The following WDR90 variants were observed in gnomAD, a reference collection of about 807,000 sequenced individuals.
WDR90 encodes the protein WD repeat domain 90, also known as WD repeat-containing protein 90.
A neutral mutation model predicts 195.2 loss-of-function variants in WDR90; 238 were observed. The observed-to-expected ratio is 1.22, with a 90% CI of 1.10 to 1.36. WDR90 has a LOEUF of 1.36. Ranked by LOEUF, WDR90 falls within the 40% of genes most tolerant of loss-of-function variation. The probability of loss-of-function intolerance (pLI) is 0.00; values close to 1 mark genes in which losing one functional copy is unlikely to be tolerated. For synonymous variants in WDR90, 1,265 were observed against 1,052.4 expected (o/e 1.20, Z -3.91); for missense variants, 2,734 against 2,439.5 (o/e 1.12, Z -2.54).
Position 660,606 on chromosome 16 carries a change from T to C in WDR90, c.3289-6T>C. On this transcript the variant is annotated splice_region_variant and splice_polypyrimidine_tract_variant and intron_variant, in intron 27 of 40. Transcript: ENST00000293879. ...CCCAGCAGCATCCGGGTCTCCTTCCTCGCAGGGCACTTGCCCGCCTCCCGC... is the reference window on the plus strand; with the variant it reads ...CCCAGCAGCATCCGGGTCTCCTTCCCCGCAGGGCACTTGCCCGCCTCCCGC... The C allele has an allele frequency of 6.4e-7, 1 of 1,560,310 alleles. No homozygotes were observed. The highest frequency in any genetic ancestry group is 1.2e-5 in the South Asian group (1 of 84,778).
rs776079755 is a variant in WDR90 at position 661,776 on chromosome 16, A to T, written c.3853A>T (p.Ile1285Phe). The T allele has an allele frequency of 6.2e-7, 1 of 1,601,900 alleles. No homozygotes were observed. Among genetic ancestry groups the T allele is most frequent in the Non-Finnish European group, 8.5e-7 (1 of 1,173,558 alleles). ...FWLLQQRGAD[I>F]SLQVRREPVP... ...GCTCCTTCAGCAGCGTGGGGCAGAC[A>T]TCAGCCTTCAGGTGCCACCCGTTCA... The change falls in exon 31 of 41, where the codon ATC (isoleucine) becomes TTC (phenylalanine). Residue 1285 changes from isoleucine (I) to phenylalanine (F), a missense_variant. Ile to Phe is a conservative substitution (Grantham distance 21). Transcript: ENST00000293879.
At position 667,762 on chromosome 16, in the gene WDR90, A is replaced by G. The variant is rs1258680135; in HGVS notation, c.*173A>G. On this transcript the variant is annotated 3_prime_UTR_variant, in exon 41 of 41. Coordinates refer to ENST00000293879, the MANE Select transcript of WDR90 (RefSeq NM_145294.5). ...TTTGGCGCCCTGTGAATACTTTCAT[A>G]CCTGTTGCCCTTTTGCCTAAGAAAT... is the stretch of plus-strand genomic sequence containing the variant. 6.8e-6 allele frequency: 6 copies of G among 882,060 alleles called. No individual in the cohort carries two copies. Among genetic ancestry groups the G allele is most frequent in the Middle Eastern group, 2.1e-4 (1 of 4,734 alleles). 54.6% of individuals were successfully genotyped at this position (882,060 alleles called of 1,614,324 possible).
In WDR90 at chr16:655,906, G is replaced by C. The variant is rs1202077131; in HGVS notation, c.1966+17G>C. The C allele has an allele frequency of 1.0e-5, 16 of 1,580,552 alleles. No homozygotes were observed. Among genetic ancestry groups the C allele is most frequent in the Non-Finnish European group, 1.4e-5 (16 of 1,168,084 alleles). ...TGGAGGCAGGTGATGCTGTGGGCACGCTCTCCCAACTCCGGGAGAGCCTCG... is the reference window on the plus strand; with the variant it reads ...TGGAGGCAGGTGATGCTGTGGGCACCCTCTCCCAACTCCGGGAGAGCCTCG... On this transcript the variant is annotated intron_variant, in intron 17 of 40. Coordinates refer to ENST00000293879, the MANE Select transcript of WDR90 (RefSeq NM_145294.5).
intron 28 of WDR90, 38 bp from the exon 29 acceptor site, chr16:661,013 C>CT: frequency 6.4e-6 from 2 of 314,090 alleles, no homozygotes; most frequent in Non-Finnish European, 8.1e-6. Context: ...CCCCCCCCCC[C>CT]CCGGCCCGGC....
chr16:649,265 CACCGGG>C (rs530464051), upstream of WDR90: 318 of 905,212 alleles, frequency 3.5e-4, 1 homozygote, highest in African/African-American at 5.1e-3. Flanking sequence ...GGGGTACTCC[CACCGGG>C]GAGGTCACGT....
chr16:651,925 C>T lies in WDR90; in HGVS notation c.939C>T (p.Ser313=), dbSNP rs1286459523. 1.9e-6 allele frequency: 3 copies of T among 1,610,052 alleles called. No homozygotes were observed. The highest frequency in any genetic ancestry group is 1.3e-5 in the African/African-American group (1 of 74,884). ...ASNADGPGFH[S]LEPWAQLEAS... is the part of the protein sequence containing the mutation. ...ACGCGGATGGCCCCGGTTTCCATAG[C>T]CTTGAGCCCTGGGCCCAGCTGGAGG... Residue 313 remains serine (S), a synonymous_variant, in exon 9 of 41, where the codon AGC becomes AGT. Transcript: ENST00000293879.
At chr16:664,115 C>T (rs946299698) in intron 34 of WDR90, among the ~76,000 whole-genome samples, 17 of 152,102 alleles carry the variant, frequency 1.1e-4, no homozygotes, top group Non-Finnish European at 2.2e-4. Context: ...GAGGTGTAGT[C>T]GTCACAGCAC....
At position 657,780 on chromosome 16, in the gene WDR90, A is replaced by T. The variant is rs533264780; in HGVS notation, c.2492A>T (p.Asp831Val). 1 of 1,549,532 alleles carries T rather than the reference A, an allele frequency of 6.5e-7. No individual in the cohort carries two copies. Among genetic ancestry groups the T allele is most frequent in the African/African-American group, 1.4e-5 (1 of 73,018 alleles). ...LRVAADMVCP[D>V]APASPSALAV... ...GCCACAGCGGACATGGTATGCCCGG[A>T]TGCCCCCGCGAGCCCCAGCGCCCTG... Residue 831 changes from aspartate to valine, a missense_variant, in exon 21 of 41, where the codon GAT becomes GTT. By Grantham distance (152) the Asp-to-Val change is radical. Coordinates refer to ENST00000293879, the MANE Select transcript of WDR90 (RefSeq NM_145294.5).
chr16:650,201 C>A (rs371591272), intron 3 of WDR90, 34 bp downstream of exon 3: 368 of 1,609,952 alleles, frequency 2.3e-4, no homozygotes, highest in Admixed American at 4.7e-4. Flanking sequence ...TGCGTGGGAG[C>A]CCCGGCACCC....
At chr16:664,393 C>G (rs987915954) in intron 34 of WDR90, among the ~76,000 whole-genome samples, 3 of 152,240 alleles carry the variant, frequency 2.0e-5, no homozygotes, top group Non-Finnish European at 4.4e-5. Flanking sequence ...AGTCATCCCT[C>G]TTGATGGCCA....
At position 656,382 on chromosome 16, in the gene WDR90, G is replaced by A; in HGVS notation, c.2047G>A (p.Gly683Ser). 2 of 1,609,234 alleles carry A rather than the reference G, an allele frequency of 1.2e-6. No individual in the cohort carries two copies. The highest frequency in any genetic ancestry group is 1.1e-5 in the South Asian group (1 of 90,808). Residue 683 changes from glycine (G) to serine (S), a missense_variant, in exon 18 of 41, where the codon GGC becomes AGC. Transcript: ENST00000293879. ...VLSATSSGHL[G>S]FLDTLSRVYH... ...GTCTGCCACCTCCTCGGGCCACCTG[G>A]GCTTCCTGGACACGCTGTCCCGGGT...
chr16:661,595 A>C lies in WDR90; in HGVS notation c.3674-2A>C. On this transcript the variant is annotated splice_acceptor_variant, in intron 30 of 40. Coordinates refer to ENST00000293879, the MANE Select transcript of WDR90 (RefSeq NM_145294.5). LOFTEE classifies it high-confidence loss of function. The stretch of plus-strand genomic sequence containing the variant: ...GACGTGGCTGCTCTGTGTCCTTCCC[A>C]GGGGACCACGATGGCCGCACCCTCG... 6.3e-7 allele frequency: 1 copy of C among 1,586,466 alleles called. No individual in the cohort carries two copies. Among genetic ancestry groups the C allele is most frequent in the Non-Finnish European group, 8.6e-7 (1 of 1,164,084 alleles).
At position 656,865 on chromosome 16, in the gene WDR90, A is replaced by T. The variant is rs779046470; in HGVS notation, c.2336A>T (p.Glu779Val). 2.5e-6 allele frequency: 4 copies of T among 1,612,478 alleles called. No individual in the cohort carries two copies. The Admixed American group carries it at 6.7e-5, about 27-fold the overall frequency. Residue 779 changes from glutamate (E) to valine (V), a missense_variant, in exon 19 of 41, where the codon GAA becomes GTA. Glu to Val is a moderately radical substitution (Grantham distance 121). Transcript: ENST00000293879. ...FSLEAAEVLV[E>V]HTCHRGAVTG... is the part of the protein sequence containing the mutation. ...CTGGAGGCCGCTGAGGTCCTGGTGGAACACACGTAAGTGCCCAGCTGGCCA... is the reference window on the plus strand; with the variant it reads ...CTGGAGGCCGCTGAGGTCCTGGTGGTACACACGTAAGTGCCCAGCTGGCCA...
At chr16:652,632 G>A (rs756928178) in intron 10 of WDR90, 97 bp downstream of exon 10, 593 of 1,286,898 alleles carry the variant, frequency 4.6e-4, no homozygotes, top group Non-Finnish European at 5.6e-4. Flanking sequence ...GTCCTGTGGT[G>A]GCTGTGTGTG....
chr16:657,630 C>T (rs1371388026), intron 20 of WDR90, 132 bp from the exon 21 acceptor site: 10 of 1,303,750 alleles, frequency 7.7e-6, no homozygotes, highest in South Asian at 3.2e-5. Flanking sequence ...AATCCTCTGC[C>T]GGTGTGATGC....
rs1165955489 is a variant in WDR90, at chr16:662,527, A to G, written c.4146-152A>G. 4.3e-5 allele frequency: 54 copies of G among 1,241,802 alleles called. 1 individual carries two copies. The highest frequency in any genetic ancestry group is 5.6e-5 in the Non-Finnish European group (51 of 908,386). The allele number at this position is 1,241,802 out of a possible 1,614,324, so 76.9% of individuals were successfully genotyped here. On this transcript the variant is annotated intron_variant, in intron 33 of 40. Transcript: ENST00000293879. ...GTACGGGCATGGGCCCAGAAGCCCC[A>G]GCTCCATGGGCTTTCTCTTCTTCCA...
At position 649,873 on chromosome 16, in the gene WDR90, G is replaced by A. The variant is rs1244240289; in HGVS notation, c.102+19G>A. The stretch of plus-strand genomic sequence containing the variant: ...GGTCACGGTAGGCGGCCGGGGGCTC[G>A]CCCGGAGCCCACACCCCTGCCCTGC... On this transcript the variant is annotated intron_variant, in intron 2 of 40. Transcript: ENST00000293879. 6.4e-7 allele frequency: 1 copy of A among 1,574,360 alleles called. No individual in the cohort carries two copies. The highest frequency in any genetic ancestry group is 8.6e-7 in the Non-Finnish European group (1 of 1,160,906).
intron 40 of WDR90, among the ~76,000 whole-genome samples, chr16:667,190 G>C (rs1242625360): frequency 6.6e-6 from 1 of 152,240 alleles, no homozygotes; most frequent in East Asian, 1.9e-4. Flanking sequence ...GCCCAGCACA[G>C]GGCCTGAATG....
intron 27 of WDR90, 138 bp from the exon 28 acceptor site, chr16:660,474 A>G (rs987188875): frequency 1.1e-6 from 1 of 875,054 alleles, no homozygotes; most frequent in Admixed American, 2.3e-5. Context: ...CACACCTCCT[A>G]CCCCAGCTTC....
Sources: allele counts gnomAD v4.1 joint callset (sites outside exome capture counted in the v4.1 genomes callset), GRCh38; gene constraint gnomAD v4.1.1; transcripts MANE v1.5; gene names NCBI Gene and HGNC (gene_info 2026-07-23, HGNC 2026-07-21).